The following CFAP44 variants were observed in gnomAD, a reference collection of about 807,000 sequenced individuals.
The protein encoded by CFAP44 is cilia- and flagella-associated protein 44.
In CFAP44, 134 loss-of-function variants were observed where a neutral mutation model predicts 216.2. That is an observed-to-expected ratio of 0.62 (90% confidence interval 0.54 to 0.72). The LOEUF (loss-of-function observed/expected upper bound fraction) is 0.72, where lower values mean the gene tolerates loss of function less well. Ranked by LOEUF, CFAP44 falls within the 30% of genes least tolerant of loss-of-function variation. CFAP44 has a pLI of 0.00. For synonymous variants in CFAP44, 700 were observed against 727.6 expected (o/e 0.96, Z 0.61); for missense variants, 2,035 against 2,182.1 (o/e 0.93, Z 1.34).
rs572579679 is a variant in CFAP44 at position 113,386,913 on chromosome 3, C to T, written c.1891-5853G>A. Among the ~76,000 whole-genome samples, 190 of 152,252 alleles carry T rather than the reference C, an allele frequency of 1.2e-3. 1 individual carries two copies. Among genetic ancestry groups the T allele is most frequent in the Non-Finnish European group, 1.7e-3 (115 of 68,016 alleles). On this transcript the variant is annotated intron_variant, in intron 15 of 34. Coordinates refer to ENST00000393845, the MANE Select transcript of CFAP44 (RefSeq NM_001164496.2). ...CAGAGCAATAACTGTGAGACTGCAT[C>T]AGAACACAGTGCTGCCTGTCACAAC...
rs922517445 is a variant in CFAP44 at position 113,290,418 on chromosome 3, T to G, written c.*1139A>C. On this transcript the variant is annotated 3_prime_UTR_variant, in exon 35 of 35. Coordinates refer to ENST00000393845, the MANE Select transcript of CFAP44 (RefSeq NM_001164496.2). Reference sequence around the variant, plus strand: ...CAGGCTAATCACAGGTGAGGAAGACTTGGCATTGCTGAGTTCCCTTCTACA... The same window carrying G: ...CAGGCTAATCACAGGTGAGGAAGACGTGGCATTGCTGAGTTCCCTTCTACA... 2.6e-5 allele frequency: 4 copies of G among 152,232 alleles called. No homozygotes were observed. Among genetic ancestry groups the G allele is most frequent in the African/African-American group, 7.2e-5 (3 of 41,464 alleles). The allele number at this position is 152,232 out of a possible 1,614,324, so 9.4% of individuals were successfully genotyped here. A position where few individuals can be genotyped will look rare whatever the true frequency, so the allele number is the denominator to read the frequency against.
intron 1 of CFAP44, among the ~76,000 whole-genome samples, chr3:113,437,210 C>A (rs990713596): frequency 1.3e-5 from 2 of 152,154 alleles, no homozygotes; most frequent in African/African-American, 4.8e-5. Context: ...TGATTTGAAT[C>A]TCATGATTTT....
At chr3:113,375,682 G>A (rs1053778586) in intron 17 of CFAP44, among the ~76,000 whole-genome samples, 4 of 152,078 alleles carry the variant, frequency 2.6e-5, no homozygotes, top group South Asian at 2.1e-4. Flanking sequence ...TTAACCACGC[G>A]TGTTGGCACA....
intron 18 of CFAP44, among the ~76,000 whole-genome samples, chr3:113,371,237 C>G (rs569396464): frequency 1.4e-4 from 22 of 152,092 alleles, no homozygotes; most frequent in African/African-American, 4.8e-4. Flanking sequence ...CTACTTTAAA[C>G]TTCATATGGA....
In CFAP44 at chr3:113,407,013, C is replaced by G. The variant is rs749492755; in HGVS notation, c.919G>C (p.Gly307Arg). 6.2e-7 allele frequency: 1 copy of G among 1,613,936 alleles called. No homozygotes were observed. Among genetic ancestry groups the G allele is most frequent in the Non-Finnish European group, 8.5e-7 (1 of 1,180,008 alleles). Reference protein sequence around the residue: ...KFWEMAFTFTGLKLQGSLGRF... With the variant: ...KFWEMAFTFTRLKLQGSLGRF... ...CCTAGTGATCCCTGCAGCTTGAGAC[C>G]GGTGAACGTAAAAGCCATTTCCCAG... Residue 307 changes from glycine to arginine, a missense_variant, in exon 8 of 35, where the codon GGT becomes CGT. Gly to Arg is a moderately radical substitution (Grantham distance 125, BLOSUM62 -2). Coordinates refer to ENST00000393845, the MANE Select transcript of CFAP44 (RefSeq NM_001164496.2).
intron 15 of CFAP44, among the ~76,000 whole-genome samples, chr3:113,384,225 A>AT (rs1288633057): frequency 1.3e-5 from 2 of 151,632 alleles, no homozygotes; most frequent in Admixed American, 1.3e-4. Flanking sequence ...CGCCTGGGTA[A>AT]TTTTTTTGTA....
At chr3:113,418,285 C>T (rs748022850) in intron 5 of CFAP44, among the ~76,000 whole-genome samples, 41 of 151,994 alleles carry the variant, frequency 2.7e-4, no homozygotes, top group Non-Finnish European at 5.4e-4. Flanking sequence ...CGGGGTTTTA[C>T]CATGTTGGCC....
chr3:113,307,618 C>A (rs1308446035), intron 29 of CFAP44, among the ~76,000 whole-genome samples: 1 of 152,146 alleles, frequency 6.6e-6, no homozygotes, highest in Non-Finnish European at 1.5e-5. Flanking sequence ...TTTGATGTAT[C>A]CTTAGCATCA....
chr3:113,371,699 G>C (rs1025860751), intron 18 of CFAP44, among the ~76,000 whole-genome samples: 2 of 152,128 alleles, frequency 1.3e-5, no homozygotes, highest in African/African-American at 4.8e-5. Flanking sequence ...AACACCAAAA[G>C]CAATGGCAAA....
chr3:113,294,104 T>C lies in CFAP44; in HGVS notation c.5373+583A>G, dbSNP rs1576532464. On this transcript the variant is annotated intron_variant, in intron 34 of 34. Transcript: ENST00000393845. ...CTGGCCTTTTTGCAGGTAATATTGT[T>C]AAGTATATAACATAGAGTTTGGAAT... is the stretch of plus-strand genomic sequence containing the variant. 3 of 455,802 alleles carry C rather than the reference T, an allele frequency of 6.6e-6. No homozygotes were observed. In the East Asian group the frequency reaches 2.1e-4, roughly 32 times the overall value. The allele number at this position is 455,802 out of a possible 1,614,324, so 28.2% of individuals were successfully genotyped here.
intron 15 of CFAP44, among the ~76,000 whole-genome samples, chr3:113,388,000 A>T (rs964870521): frequency 4.6e-5 from 7 of 152,072 alleles, no homozygotes; most frequent in Admixed American, 1.3e-4. Context: ...ACTGCATTTC[A>T]TGGTTGGAGT....
chr3:113,414,220 AC>A (rs1266902027), intron 6 of CFAP44, among the ~76,000 whole-genome samples: 4 of 152,044 alleles, frequency 2.6e-5, no homozygotes, highest in African/African-American at 9.7e-5. Flanking sequence ...GTATCCTGAG[AC>A]TTTGCTGAAG....
chr3:113,408,891 T>A (rs1339457134), intron 7 of CFAP44, among the ~76,000 whole-genome samples: 2 of 151,262 alleles, frequency 1.3e-5, no homozygotes, highest in East Asian at 3.9e-4. Flanking sequence ...AAGCCCTTAT[T>A]TTATCTATGC....
At chr3:113,400,304 A>G (rs1934106816) in intron 12 of CFAP44, among the ~76,000 whole-genome samples, 1 of 152,140 alleles carries the variant, frequency 6.6e-6, no homozygotes, top group African/African-American at 2.4e-5. Flanking sequence ...TGTGGACAAT[A>G]TCAAAACGAG....
Position 113,287,010 on chromosome 3 carries a change from A to G in CFAP44, c.*4547T>C, listed in dbSNP as rs926703063. 4.9e-5 allele frequency: 46 copies of G among 930,900 alleles called. No individual in the cohort carries two copies. In the East Asian group the frequency reaches 1.2e-3, roughly 25 times the overall value. 57.7% of individuals were successfully genotyped at this position (930,900 alleles called of 1,614,324 possible). A position where few individuals can be genotyped will look rare whatever the true frequency, so the allele number is the denominator to read the frequency against. On this transcript the variant is annotated 3_prime_UTR_variant, in exon 35 of 35. Coordinates refer to ENST00000393845, the MANE Select transcript of CFAP44 (RefSeq NM_001164496.2). ...ACTTGTAAATAAATGTATATGTTTT[A>G]TAATTCTGGAGAGACATAAGGAGTC...
intron 18 of CFAP44, among the ~76,000 whole-genome samples, chr3:113,370,775 A>G (rs1251720854): frequency 1.3e-5 from 2 of 152,220 alleles, no homozygotes; most frequent in African/African-American, 4.8e-5. Context: ...AATTAGGAAA[A>G]GAGGAAGTCA....
chr3:113,395,581 C>T (rs905419913), intron 15 of CFAP44, among the ~76,000 whole-genome samples, 169 bp downstream of exon 15: 14 of 152,294 alleles, frequency 9.2e-5, no homozygotes, highest in East Asian at 7.7e-4. Context: ...TGATGCTCTA[C>T]GGGCCAACCC....
At chr3:113,404,114 T>G in intron 8 of CFAP44, 98 bp from the exon 9 acceptor site, 1 of 1,323,710 alleles carries the variant, frequency 7.6e-7, no homozygotes, top group Non-Finnish European at 9.9e-7. Context: ...TAAGGTTATC[T>G]TTATTGATTA....
chr3:113,351,925 G>A lies in CFAP44; in HGVS notation c.3065+6820C>T, dbSNP rs566773255. ...CAAGGACTCCTGGATTGACCCACTG[G>A]CCCTTCGGCTGACCTAGAGAGTTAC... On this transcript the variant is annotated intron_variant, in intron 22 of 34. Transcript: ENST00000393845. Among the ~76,000 whole-genome samples the A allele has an allele frequency of 5.3e-5, 8 of 152,234 alleles. No individual in the cohort carries two copies. In the South Asian group the frequency reaches 1.7e-3, roughly 32 times the overall value.
Sources: gnomAD v4.1 joint callset for allele counts (sites outside exome capture counted in the v4.1 genomes callset) on GRCh38, gnomAD v4.1.1 for gene constraint, MANE v1.5 for transcripts, NCBI Gene and HGNC (gene_info 2026-07-23, HGNC 2026-07-21) for gene names.